IPCEF1: variants seen among roughly 807,000 people sequenced by gnomAD.
IPCEF1 encodes the protein interaction protein for cytohesin exchange factors 1.
A neutral mutation model predicts 50.9 loss-of-function variants in IPCEF1; 31 were observed. That is an observed-to-expected ratio of 0.61 (90% CI 0.46 to 0.82). The LOEUF (loss-of-function observed/expected upper bound fraction) is 0.82, where lower values mean the gene tolerates loss of function less well. Ranked by LOEUF, IPCEF1 falls within the 40% of genes least tolerant of loss-of-function variation. IPCEF1 has a pLI of 0.00. For missense variants in IPCEF1, 458 were observed against 514.0 expected (o/e 0.89, Z 1.05); for synonymous variants, 181 against 192.0 (o/e 0.94, Z 0.47).
Position 154,244,301 on chromosome 6 carries a change from G to GGGGT in IPCEF1, c.246+2289_246+2290insACCC, listed in dbSNP as rs1554298351. On this transcript the variant is annotated intron_variant, in intron 5 of 11. Transcript: ENST00000367220. ...TTAAGATTCGGTGTGTGTGTGGGTG[G>GGGGT]GTGTGTGTGTGTGTGTGTGTGTGTG... is the stretch of plus-strand genomic sequence containing the variant. Among the ~76,000 whole-genome samples, 277 of 148,056 alleles carry GGGGT rather than the reference G, an allele frequency of 1.9e-3. 3 individuals carry two copies. The highest frequency in any genetic ancestry group is 6.1e-3 in the African/African-American group (245 of 40,186).
chr6:154,331,395 G>GAAA (rs1247623687), intron 1 of IPCEF1, among the ~76,000 whole-genome samples: 2 of 133,552 alleles, frequency 1.5e-5, no homozygotes, highest in African/African-American at 5.4e-5. Context: ...AAGAAAGAAA[G>GAAA]AAAGAAAGAA....
At chr6:154,209,814 T>C (rs564629374) in intron 9 of IPCEF1, among the ~76,000 whole-genome samples, 21 of 152,226 alleles carry the variant, frequency 1.4e-4, no homozygotes, top group Non-Finnish European at 2.8e-4. Flanking sequence ...ACATTCTGTT[T>C]CTAAGGGGGA....
intron 1 of IPCEF1, among the ~76,000 whole-genome samples, chr6:154,331,658 G>C (rs1404387215): frequency 1.3e-5 from 2 of 152,128 alleles, no homozygotes; most frequent in Non-Finnish European, 2.9e-5. Flanking sequence ...TGGAGAGTAG[G>C]CTCAAGCATG....
rs1341389483 is a variant in IPCEF1 at position 154,261,744 on chromosome 6, A to G, written c.36+4168T>C. On this transcript the variant is annotated intron_variant, in intron 3 of 11. Coordinates refer to ENST00000367220, the MANE Select transcript of IPCEF1 (RefSeq NM_001130700.2). The stretch of plus-strand genomic sequence containing the variant: ...AATTCTGAGCATTTTTTTTAGCACC[A>G]CTTACCATACCAGCTTCAGTGAAAA... Among the ~76,000 whole-genome samples, 4 of 152,104 alleles carry G rather than the reference A, an allele frequency of 2.6e-5. No homozygotes were observed. The East Asian group carries it at 5.8e-4, about 22-fold the overall frequency.
At chr6:154,344,749 T>C (rs1174234684) in intron 1 of IPCEF1, among the ~76,000 whole-genome samples, 1 of 152,208 alleles carries the variant, frequency 6.6e-6, no homozygotes, top group Non-Finnish European at 1.5e-5. Flanking sequence ...GCCCTTTTTT[T>C]CTCAACAGAA....
chr6:154,328,627 G>A (rs1783581396), intron 1 of IPCEF1, among the ~76,000 whole-genome samples: 2 of 151,920 alleles, frequency 1.3e-5, no homozygotes, highest in African/African-American at 4.8e-5. Flanking sequence ...ATCCTTCAAT[G>A]GAGAACTTTT....
chr6:154,235,220 C>T (rs1240124177), intron 5 of IPCEF1, among the ~76,000 whole-genome samples: 2 of 152,170 alleles, frequency 1.3e-5, no homozygotes, highest in Non-Finnish European at 2.9e-5. Flanking sequence ...GGTGCATTCT[C>T]TTTGAATATT....
intron 3 of IPCEF1, chr6:154,247,741 C>T: frequency 2.6e-6 from 1 of 387,640 alleles, no homozygotes. Context: ...CTGTTCCCAC[C>T]CACAAGCCGC....
intron 5 of IPCEF1, among the ~76,000 whole-genome samples, chr6:154,236,898 C>T (rs566723179): frequency 2.0e-5 from 3 of 152,284 alleles, no homozygotes; most frequent in African/African-American, 4.8e-5. Flanking sequence ...TCCCCTGCAG[C>T]GTGCCTTTTC....
intron 10 of IPCEF1, among the ~76,000 whole-genome samples, chr6:154,171,855 C>A (rs963043224): frequency 1.3e-5 from 2 of 152,172 alleles, no homozygotes; most frequent in East Asian, 1.9e-4. Context: ...TGTCCTTTTA[C>A]TTTTTAAAAA....
chr6:154,184,700 G>A (rs551713164), intron 10 of IPCEF1, among the ~76,000 whole-genome samples: 68 of 152,008 alleles, frequency 4.5e-4, no homozygotes, highest in African/African-American at 1.6e-3. Context: ...TGAATGAATG[G>A]TAATTTTAGT....
intron 3 of IPCEF1, among the ~76,000 whole-genome samples, chr6:154,253,166 T>C (rs28688497): frequency 1.3e-5 from 2 of 152,170 alleles, no homozygotes; most frequent in Admixed American, 6.5e-5. Context: ...CTAACTTGAA[T>C]GTGATGTTGA....
chr6:154,295,358 C>T (rs1312662854), intron 1 of IPCEF1, among the ~76,000 whole-genome samples: 5 of 152,202 alleles, frequency 3.3e-5, no homozygotes, highest in Admixed American at 2.0e-4. Context: ...TGGCATCTGC[C>T]GCTGTGGCTG....
intron 1 of IPCEF1, among the ~76,000 whole-genome samples, chr6:154,321,913 A>C (rs1260404468): frequency 6.6e-6 from 1 of 151,970 alleles, no homozygotes; most frequent in Non-Finnish European, 1.5e-5. Flanking sequence ...TGAACATTTT[A>C]AGAAAAGAAA....
At chr6:154,295,024 C>T (rs1343503068) in intron 1 of IPCEF1, among the ~76,000 whole-genome samples, 4 of 152,080 alleles carry the variant, frequency 2.6e-5, no homozygotes, top group African/African-American at 9.7e-5. Flanking sequence ...CGGTGAAAGC[C>T]CGTCTCTACT....
At chr6:154,193,247 T>C (rs1193815728) in intron 10 of IPCEF1, among the ~76,000 whole-genome samples, 4 of 152,218 alleles carry the variant, frequency 2.6e-5, no homozygotes, top group African/African-American at 9.7e-5. Context: ...AGGCCATTAT[T>C]CTAAGTGAAG....
At chr6:154,338,851 G>A (rs1783844984) in intron 1 of IPCEF1, among the ~76,000 whole-genome samples, 1 of 152,144 alleles carries the variant, frequency 6.6e-6, no homozygotes, top group East Asian at 1.9e-4. Flanking sequence ...GAGCCCGGGA[G>A]GTGGAGGTTG....
At chr6:154,203,757 AT>A (rs1777261218) in intron 9 of IPCEF1, among the ~76,000 whole-genome samples, 3 of 152,040 alleles carry the variant, frequency 2.0e-5, no homozygotes, top group African/African-American at 7.2e-5. Context: ...TTTCACCTCC[AT>A]TTTTTGCCTC....
chr6:154,240,246 C>A (rs1335774246), intron 5 of IPCEF1, among the ~76,000 whole-genome samples: 1 of 152,206 alleles, frequency 6.6e-6, no homozygotes, highest in African/African-American at 2.4e-5. Context: ...GGTACATGCT[C>A]TGTACCTGCC....
Sources: allele counts gnomAD v4.1 joint callset (sites outside exome capture counted in the v4.1 genomes callset), GRCh38; gene constraint gnomAD v4.1.1; transcripts MANE v1.5; gene names NCBI Gene and HGNC (gene_info 2026-07-23, HGNC 2026-07-21).